The following CCR6 variants were observed in gnomAD, a reference collection of about 807,000 sequenced individuals.
CCR6 encodes the protein C-C chemokine receptor type 6.
Under a neutral mutation model 3.0 loss-of-function variants are expected in CCR6, and 2 were observed. The observed-to-expected ratio is 0.66, with a 90% confidence interval of 0.27 to 2.07. The LOEUF (loss-of-function observed/expected upper bound fraction) is 2.07. Among genes scored for constraint, CCR6 ranks in the 30% most tolerant of loss-of-function variants. The pLI is 0.14. For missense variants in CCR6, 322 were observed against 462.8 expected, an observed-to-expected ratio of 0.70 and a Z score of 2.79; for synonymous variants, 193 against 184.3, an observed-to-expected ratio of 1.05 and a Z score of -0.38.
At chr6:167,120,190 C>A (rs546299776), upstream of CCR6, among the ~76,000 whole-genome samples, 3 of 152,180 alleles carry the variant, frequency 2.0e-5, no homozygotes, top group South Asian at 6.2e-4. Flanking sequence ...CAGGTACCAT[C>A]AGAGAGTGGG....
intron 1 of CCR6, among the ~76,000 whole-genome samples, chr6:167,134,621 CGTAA>C (rs1179874572): frequency 6.6e-6 from 1 of 152,220 alleles, no homozygotes; most frequent in South Asian, 2.1e-4. Context: ...CACGTGGACT[CGTAA>C]GTGAGGACTG....
At chr6:167,132,884 T>C (rs1490399343) in intron 1 of CCR6, among the ~76,000 whole-genome samples, 1 of 152,226 alleles carries the variant, frequency 6.6e-6, no homozygotes, top group Non-Finnish European at 1.5e-5. Context: ...ATTAATGGCA[T>C]TGAGCGTCTT....
At chr6:167,132,415 A>G (rs1002002019) in intron 1 of CCR6, among the ~76,000 whole-genome samples, 1 of 152,086 alleles carries the variant, frequency 6.6e-6, no homozygotes, top group African/African-American at 2.4e-5. Flanking sequence ...TGGCTGTGTG[A>G]TCTTGCAGTC....
At chr6:167,130,334 C>T (rs1781734129) in intron 1 of CCR6, among the ~76,000 whole-genome samples, 1 of 151,834 alleles carries the variant, frequency 6.6e-6, no homozygotes, top group South Asian at 2.1e-4. Flanking sequence ...GTCTTATTCT[C>T]AGTTCATTAA....
chr6:167,116,098 A>G (rs1781488219), intron 1 of CCR6: 1 of 152,290 alleles, frequency 6.6e-6, no homozygotes, highest in African/African-American at 2.4e-5. Context: ...AGGAGGGAGC[A>G]CACCAGCAGG....
At chr6:167,127,975 A>G (rs1300061151) in intron 1 of CCR6, among the ~76,000 whole-genome samples, 1 of 152,202 alleles carries the variant, frequency 6.6e-6, no homozygotes, top group African/African-American at 2.4e-5. Context: ...GGGCCTTTTT[A>G]GCTTCTCAGG....
chr6:167,133,046 C>T (rs939681113), intron 1 of CCR6, among the ~76,000 whole-genome samples: 6 of 152,156 alleles, frequency 3.9e-5, no homozygotes, highest in Non-Finnish European at 8.8e-5. Context: ...TAAGCTTTAA[C>T]ATACTTTTTT....
intron 1 of CCR6, among the ~76,000 whole-genome samples, chr6:167,114,302 G>C (rs1781458981): frequency 6.6e-6 from 1 of 152,178 alleles, no homozygotes; most frequent in South Asian, 2.1e-4. Flanking sequence ...TGGTTTGATG[G>C]GTTATAAATC....
chr6:167,129,785 G>A (rs1019825298), intron 1 of CCR6, among the ~76,000 whole-genome samples: 1 of 151,624 alleles, frequency 6.6e-6, no homozygotes, highest in African/African-American at 2.4e-5. Flanking sequence ...CCGCCCTACA[G>A]GGTACCCCGG....
intron 1 of CCR6, among the ~76,000 whole-genome samples, chr6:167,130,992 C>CCTCCTTCTGGGACT (rs1562559673): frequency 8.5e-6 from 1 of 118,208 alleles, no homozygotes; most frequent in Non-Finnish European, 1.7e-5. Flanking sequence ...CCTCTGGACC[C>CCTCCTTCTGGGACT]CCTCCCTTTG....
At chr6:167,134,532 T>C (rs1227260027) in intron 1 of CCR6, among the ~76,000 whole-genome samples, 1 of 152,204 alleles carries the variant, frequency 6.6e-6, no homozygotes, top group Non-Finnish European at 1.5e-5. Context: ...AGAATCAAAA[T>C]TATGTAAGAA....
intron 1 of CCR6, among the ~76,000 whole-genome samples, chr6:167,128,755 G>T (rs1781709713): frequency 6.6e-6 from 1 of 151,964 alleles, no homozygotes; most frequent in African/African-American, 2.4e-5. Context: ...TATATTTTTG[G>T]TAGAGACAAG....
At chr6:167,121,055 C>G (rs946379875), upstream of CCR6, 1 of 152,338 alleles carries the variant, frequency 6.6e-6, no homozygotes, top group Admixed American at 6.5e-5. Context: ...GGGAGCCAGT[C>G]AGCAGCAGGG....
chr6:167,119,466 C>G (rs1239256944), upstream of CCR6: 1 of 152,174 alleles, frequency 6.6e-6, no homozygotes, highest in Non-Finnish European at 1.5e-5. Context: ...GTGTGCTGTA[C>G]ATAGTAACTA....
At chr6:167,113,930 A>T (rs1192290840) in intron 1 of CCR6, among the ~76,000 whole-genome samples, 1 of 152,194 alleles carries the variant, frequency 6.6e-6, no homozygotes, top group Non-Finnish European at 1.5e-5. Context: ...GAAAGGGAAA[A>T]TGGAACAAAG....
At chr6:167,116,355 C>G (rs551142020) in intron 1 of CCR6, among the ~76,000 whole-genome samples, 1 of 152,252 alleles carries the variant, frequency 6.6e-6, no homozygotes, top group African/African-American at 2.4e-5. Flanking sequence ...CTCTCTCCAG[C>G]ACCCCCGACG....
Position 167,137,465 on chromosome 6 carries a change from A to G in CCR6, c.*110A>G. The G allele has an allele frequency of 1.9e-6, 2 of 1,053,686 alleles. No homozygotes were observed. Among genetic ancestry groups the G allele is most frequent in the South Asian group, 3.3e-5 (2 of 61,218 alleles). The allele number at this position is 1,053,686 out of a possible 1,614,324, so 65.3% of individuals were successfully genotyped here. A position where few individuals can be genotyped will look rare whatever the true frequency, so the allele number is the denominator to read the frequency against. ...AAAATGTGGGAATTAAGCAAAATCA[A>G]GCAAGCCTCTCTCCTGCGGGACTTA... On this transcript the variant is annotated 3_prime_UTR_variant, in exon 3 of 3. Transcript: ENST00000341935. The surrounding 1 kb of genome is among the most constrained non-coding windows in gnomAD (Gnocchi z 4.6).
chr6:167,115,695 C>A (rs1781482227), intron 1 of CCR6: 1 of 152,180 alleles, frequency 6.6e-6, no homozygotes, highest in African/African-American at 2.4e-5. Context: ...CCATAATAGT[C>A]ACTATAATTA....
In CCR6 at chr6:167,137,250, G is replaced by A; in HGVS notation, c.1020G>A (p.Lys340=). ...ILKDLWCVRR[K]YKSSGFSCAG... is the part of the protein sequence containing the mutation. Reference sequence around the variant, plus strand: ...AGGACCTGTGGTGTGTGAGAAGGAAGTACAAGTCCTCAGGCTTCTCCTGTG... The same window carrying A: ...AGGACCTGTGGTGTGTGAGAAGGAAATACAAGTCCTCAGGCTTCTCCTGTG... The change falls in exon 3 of 3, where the codon AAG becomes AAA. Residue 340 remains lysine, a synonymous_variant. Transcript: ENST00000341935. This position sits in a 1 kb window ranked among gnomAD's most constrained non-coding sequence, Gnocchi z 4.6. 6.2e-7 allele frequency: 1 copy of A among 1,614,174 alleles called. No individual in the cohort carries two copies. Among genetic ancestry groups the A allele is most frequent in the African/African-American group, 1.3e-5 (1 of 75,054 alleles).
Sources: allele counts gnomAD v4.1 joint callset (sites outside exome capture counted in the v4.1 genomes callset), GRCh38; gene constraint gnomAD v4.1.1; non-coding constraint Gnocchi (gnomAD v3.1); transcripts MANE v1.5; gene names NCBI Gene and HGNC (gene_info 2026-07-23, HGNC 2026-07-21).